Variants in SV2B observed in about 807,000 individuals in gnomAD.
SV2B encodes solute carrier family 22 member B2.
SV2B carries 41 observed loss-of-function variants against 73.9 expected under a neutral mutation model. That is an observed-to-expected ratio of 0.56 (90% CI 0.43 to 0.72). The LOEUF (loss-of-function observed/expected upper bound fraction) is 0.72, where lower values mean the gene tolerates loss of function less well. Ranked by LOEUF, SV2B falls within the 30% of genes least tolerant of loss-of-function variation. SV2B has a pLI of 0.00. For missense variants in SV2B, 764 were observed against 857.8 expected (o/e 0.89, Z 1.37); for synonymous variants, 314 against 314.2 (o/e 1.00, Z 0.01).
intron 1 of SV2B, among the ~76,000 whole-genome samples, chr15:91,103,123 C>G (rs1430499875): frequency 3.3e-5 from 5 of 152,160 alleles, no homozygotes; most frequent in African/African-American, 1.2e-4. Flanking sequence ...GGATGAAATC[C>G]TAAACTCTGT....
At chr15:91,249,150 C>T (rs964555353) in intron 2 of SV2B, among the ~76,000 whole-genome samples, 1 of 151,978 alleles carries the variant, frequency 6.6e-6, no homozygotes, top group Non-Finnish European at 1.5e-5. Context: ...AGCCTGAACC[C>T]TCACCAGATT....
In SV2B at chr15:91,245,851, A is replaced by T. The variant is rs1050776273; in HGVS notation, c.452-5968A>T. Among the ~76,000 whole-genome samples the T allele has an allele frequency of 5.3e-5, 8 of 150,956 alleles. No individual in the cohort carries two copies. In the East Asian group the frequency reaches 7.7e-4, roughly 15 times the overall value. On this transcript the variant is annotated intron_variant, in intron 2 of 12. Coordinates refer to ENST00000394232, the MANE Select transcript of SV2B (RefSeq NM_001323032.3). This position sits in a 1 kb window ranked among gnomAD's most constrained non-coding sequence, Gnocchi z 4.2. ...ACTGTGGTCTACAAACCTATGACCA[A>T]TTTTTTTTTTAACATTTTTAAAGGG...
chr15:91,165,635 G>T (rs990409916), intron 1 of SV2B, among the ~76,000 whole-genome samples: 2 of 152,140 alleles, frequency 1.3e-5, no homozygotes, highest in African/African-American at 4.8e-5. Flanking sequence ...AGCCCTTAAG[G>T]TCTCTGACAT....
Position 91,130,497 on chromosome 15 carries a change from C to T in SV2B, c.-392+30134C>T, listed in dbSNP as rs987396689. Among the ~76,000 whole-genome samples, 3 of 151,880 alleles carry T rather than the reference C, an allele frequency of 2.0e-5. No homozygotes were observed. Among genetic ancestry groups the T allele is most frequent in the African/African-American group, 7.3e-5 (3 of 41,308 alleles). Reference sequence around the variant, plus strand: ...GAAAATGGAAGTGGAGGGTAAGGAACAGGGAATGAGAGAGAGAGAGAGAAG... The same window carrying T: ...GAAAATGGAAGTGGAGGGTAAGGAATAGGGAATGAGAGAGAGAGAGAGAAG... On this transcript the variant is annotated intron_variant, in intron 1 of 12. Coordinates refer to ENST00000394232, the MANE Select transcript of SV2B (RefSeq NM_001323032.3). The surrounding 1 kb of genome is among the most constrained non-coding windows in gnomAD (Gnocchi z 5.6).
rs1267445699 is a variant in SV2B at position 91,290,896 on chromosome 15, C to A, written c.1868+1216C>A. Among the ~76,000 whole-genome samples, 1 of 152,014 alleles carries A rather than the reference C, an allele frequency of 6.6e-6. No homozygotes were observed. The highest frequency in any genetic ancestry group is 1.5e-5 in the Non-Finnish European group (1 of 68,006). On this transcript the variant is annotated intron_variant, in intron 12 of 12. Coordinates refer to ENST00000394232, the MANE Select transcript of SV2B (RefSeq NM_001323032.3). The surrounding 1 kb of genome is among the most constrained non-coding windows in gnomAD (Gnocchi z 4.7). ...AGGCATAGTGGCATGTGCCTGTAGT[C>A]CTAGCTGCTCAGGAGGCTGAGGGGG... is the stretch of plus-strand genomic sequence containing the variant.
chr15:91,161,839 T>C (rs2043730397), intron 1 of SV2B, among the ~76,000 whole-genome samples: 1 of 152,230 alleles, frequency 6.6e-6, no homozygotes, highest in Non-Finnish European at 1.5e-5. Flanking sequence ...TTGTCCCCTG[T>C]GTATACTTCA....
chr15:91,204,931 C>T (rs1426844559), intron 1 of SV2B, among the ~76,000 whole-genome samples: 3 of 152,090 alleles, frequency 2.0e-5, no homozygotes, highest in African/African-American at 7.2e-5. Context: ...ACTGAGAGAG[C>T]GTAGAAAACA....
rs966473932 is a variant in SV2B at position 91,223,177 on chromosome 15, A to C, written c.-391-2696A>C. ...AAGACACCAGTCATATTGGATTAGG[A>C]GCCATCCGAATGATCTCATCTTAAC... On this transcript the variant is annotated intron_variant, in intron 1 of 12. Transcript: ENST00000394232. This position sits in a 1 kb window ranked among gnomAD's most constrained non-coding sequence, Gnocchi z 4.6. Among the ~76,000 whole-genome samples, 1 of 152,122 alleles carries C rather than the reference A, an allele frequency of 6.6e-6. No individual in the cohort carries two copies. Among genetic ancestry groups the C allele is most frequent in the Admixed American group, 6.5e-5 (1 of 15,278 alleles).
At chr15:91,275,311 G>A (rs549055435) in intron 9 of SV2B, among the ~76,000 whole-genome samples, 26 of 152,030 alleles carry the variant, frequency 1.7e-4, no homozygotes, top group Middle Eastern at 3.4e-3. Flanking sequence ...GTGTCTTAGC[G>A]CTTACAATAT....
chr15:91,222,849 T>C (rs1385118048), intron 1 of SV2B, among the ~76,000 whole-genome samples: 2 of 152,248 alleles, frequency 1.3e-5, no homozygotes, highest in Admixed American at 6.5e-5. Context: ...TATAAAATGC[T>C]CACCTTAGTA....
chr15:91,193,124 C>G (rs75103528), intron 1 of SV2B, among the ~76,000 whole-genome samples: 4,952 of 152,234 alleles, frequency 0.033, 259 homozygotes, highest in African/African-American at 0.11. Flanking sequence ...CAATATTGTT[C>G]CCGGTTCAGC....
At chr15:91,212,334 G>A (rs957715550) in intron 1 of SV2B, among the ~76,000 whole-genome samples, 2 of 152,066 alleles carry the variant, frequency 1.3e-5, no homozygotes, top group African/African-American at 2.4e-5. Flanking sequence ...TCAATTAGCC[G>A]GCCCTCTGTT....
At chr15:91,222,099 C>T (rs1221963118) in intron 1 of SV2B, among the ~76,000 whole-genome samples, 1 of 152,182 alleles carries the variant, frequency 6.6e-6, no homozygotes, top group Non-Finnish European at 1.5e-5. Context: ...TTTCTCTGAG[C>T]CCTTTCCTGC....
chr15:91,227,972 C>T lies in SV2B; in HGVS notation c.451+1258C>T, dbSNP rs867373545. Reference sequence around the variant, plus strand: ...AGCACAATAGCAGCTTTGAACAACACGTAAACAAATGGGCTGTGTTCCAAT... The same window carrying T: ...AGCACAATAGCAGCTTTGAACAACATGTAAACAAATGGGCTGTGTTCCAAT... On this transcript the variant is annotated intron_variant, in intron 2 of 12. Coordinates refer to ENST00000394232, the MANE Select transcript of SV2B (RefSeq NM_001323032.3). The surrounding 1 kb of genome is among the most constrained non-coding windows in gnomAD (Gnocchi z 4.5). 3.9e-5 allele frequency among the ~76,000 whole-genome samples: 6 copies of T among 152,158 alleles called. No homozygotes were observed. The highest frequency in any genetic ancestry group is 1.9e-4 in the East Asian group (1 of 5,206).
At position 91,258,366 on chromosome 15, in the gene SV2B, C is replaced by G. The variant is rs1215736819; in HGVS notation, c.785-55C>G. On this transcript the variant is annotated intron_variant, in intron 4 of 12. Coordinates refer to ENST00000394232, the MANE Select transcript of SV2B (RefSeq NM_001323032.3). The surrounding 1 kb of genome is among the most constrained non-coding windows in gnomAD (Gnocchi z 4.7). ...GAGCCAGGGCTTCAGAGTCACTCTT[C>G]CGTAGAGGAAAAGATCATGTCCCAG... 4.4e-6 allele frequency: 7 copies of G among 1,601,636 alleles called. No individual in the cohort carries two copies. In the East Asian group the frequency reaches 1.3e-4, roughly 31 times the overall value.
In SV2B at chr15:91,115,147, C is replaced by T. The variant is rs763624270; in HGVS notation, c.-392+14784C>T. Among the ~76,000 whole-genome samples the T allele has an allele frequency of 4.6e-5, 7 of 152,224 alleles. No homozygotes were observed. Among genetic ancestry groups the T allele is most frequent in the Non-Finnish European group, 7.3e-5 (5 of 68,038 alleles). On this transcript the variant is annotated intron_variant, in intron 1 of 12. Coordinates refer to ENST00000394232, the MANE Select transcript of SV2B (RefSeq NM_001323032.3). The surrounding 1 kb of genome is among the most constrained non-coding windows in gnomAD (Gnocchi z 4.3). ...AAAGCCAACAGGTGTCCACTACACA[C>T]GCTGAGCTGGCTTCTCTTGCTGAAA...
chr15:91,179,479 T>G (rs1452861609), intron 1 of SV2B, among the ~76,000 whole-genome samples: 1 of 152,200 alleles, frequency 6.6e-6, no homozygotes, highest in Non-Finnish European at 1.5e-5. Flanking sequence ...ATCTGTCTAA[T>G]GTTGACAGTG....
intron 1 of SV2B, among the ~76,000 whole-genome samples, chr15:91,112,558 A>G (rs1236978777): frequency 3.9e-5 from 6 of 152,214 alleles, no homozygotes; most frequent in East Asian, 3.8e-4. Flanking sequence ...AATGGAGTGG[A>G]AAGTTCTGTT....
chr15:91,247,474 G>A (rs1171995032), intron 2 of SV2B, among the ~76,000 whole-genome samples: 1 of 152,178 alleles, frequency 6.6e-6, no homozygotes, highest in African/African-American at 2.4e-5. Flanking sequence ...CACTGAGGTA[G>A]CAAATGCAGG....
Sources: allele counts gnomAD v4.1 joint callset (sites outside exome capture counted in the v4.1 genomes callset), GRCh38; gene constraint gnomAD v4.1.1; non-coding constraint Gnocchi (gnomAD v3.1); transcripts MANE v1.5; gene names NCBI Gene and HGNC (gene_info 2026-07-23, HGNC 2026-07-21).